Variants in MEF2C observed in about 807,000 individuals in gnomAD.
MEF2C encodes myocyte enhancer factor 2C.
In MEF2C, 6 loss-of-function variants were observed where a neutral mutation model predicts 50.5. The observed-to-expected ratio is 0.12, with a 90% confidence interval of 0.07 to 0.23. The LOEUF (loss-of-function observed/expected upper bound fraction) is 0.23, where lower values mean the gene tolerates loss of function less well. Among genes scored for constraint, MEF2C ranks in the 10% least tolerant of loss-of-function variants. The pLI, the probability that MEF2C is intolerant of heterozygous loss-of-function variation, is 1.00. For synonymous variants in MEF2C, 183 were observed against 228.0 expected (o/e 0.80, Z 1.78); for missense variants, 276 against 605.0 (o/e 0.46, Z 5.70).
intron 6 of MEF2C, among the ~76,000 whole-genome samples, chr5:88,745,083 C>G (rs774593432): frequency 3.3e-5 from 5 of 152,032 alleles, no homozygotes; most frequent in Non-Finnish European, 7.4e-5. Flanking sequence ...TGAAATGTTC[C>G]TTCTGGTTTA....
At chr5:88,725,105 T>C (rs942756496) in intron 10 of MEF2C, among the ~76,000 whole-genome samples, 2 of 152,258 alleles carry the variant, frequency 1.3e-5, no homozygotes, top group East Asian at 3.9e-4. Context: ...AATACAGTTT[T>C]TGGAAGCTGC....
chr5:88,823,110 A>T (rs1260041318), intron 2 of MEF2C, among the ~76,000 whole-genome samples: 1 of 151,986 alleles, frequency 6.6e-6, no homozygotes, highest in Non-Finnish European at 1.5e-5. Flanking sequence ...TATCATTGGC[A>T]TTCTAGAAAA....
intron 1 of MEF2C, among the ~76,000 whole-genome samples, chr5:88,899,728 T>C (rs1835454614): frequency 6.6e-6 from 1 of 152,150 alleles, no homozygotes; most frequent in Admixed American, 6.6e-5. Context: ...TAGAAATGGA[T>C]GCTATTTACT....
chr5:88,823,449 T>C (rs564913030), intron 2 of MEF2C, among the ~76,000 whole-genome samples: 4 of 152,000 alleles, frequency 2.6e-5, no homozygotes, highest in Non-Finnish European at 5.9e-5. Context: ...TGATTAACTC[T>C]TAATTATCAA....
chr5:88,756,320 C>T (rs376307978), intron 4 of MEF2C, among the ~76,000 whole-genome samples: 1 of 152,160 alleles, frequency 6.6e-6, no homozygotes, highest in Non-Finnish European at 1.5e-5. Flanking sequence ...ACCTTCCCCC[C>T]TTTTGGAGTC....
At chr5:88,884,799 CA>C (rs34331976), upstream of MEF2C, among the ~76,000 whole-genome samples, 44,958 of 109,194 alleles carry the variant, frequency 0.41, 6,274 homozygotes, top group Middle Eastern at 0.52. Context: ...CTTTTCCTTA[CA>C]AAAAAAAAAA....
chr5:88,758,126 TCTC>T (rs979739928), intron 4 of MEF2C, among the ~76,000 whole-genome samples: 9 of 151,986 alleles, frequency 5.9e-5, no homozygotes, highest in Non-Finnish European at 1.0e-4. Context: ...TCCAAGCACT[TCTC>T]CTCTGCATGT....
intron 1 of MEF2C, among the ~76,000 whole-genome samples, chr5:88,863,729 G>A (rs900788226): frequency 6.6e-6 from 1 of 151,978 alleles, no homozygotes; most frequent in Non-Finnish European, 1.5e-5. Flanking sequence ...GTACAAATGA[G>A]ATCACACAGT....
In MEF2C at chr5:88,749,127, A is replaced by C. The variant is rs1389115088; in HGVS notation, c.590-10T>G. 6.4e-7 allele frequency: 1 copy of C among 1,560,602 alleles called. No individual in the cohort carries two copies. On this transcript the variant is annotated splice_polypyrimidine_tract_variant and intron_variant, in intron 5 of 10. Coordinates refer to ENST00000504921, the MANE Select transcript of MEF2C (RefSeq NM_002397.5). ...CCACCCATCAGACCACCTATGGATT[A>C]AAGAGGAAGATCAAAACGAGAAAGG...
intron 4 of MEF2C, among the ~76,000 whole-genome samples, chr5:88,759,715 C>G (rs1026198900): frequency 2.0e-5 from 3 of 152,154 alleles, no homozygotes; most frequent in Non-Finnish European, 4.4e-5. Context: ...CTTAGCTTTC[C>G]TTCATGATAC....
intron 4 of MEF2C, among the ~76,000 whole-genome samples, 164 bp from the exon 5 acceptor site, chr5:88,752,207 G>T (rs1773146581): frequency 6.6e-6 from 1 of 152,194 alleles, no homozygotes; most frequent in Admixed American, 6.5e-5. Context: ...ATCATAAATT[G>T]ATTTCTTAAA....
chr5:88,767,872 T>C (rs1234932247), intron 3 of MEF2C, among the ~76,000 whole-genome samples: 5 of 152,120 alleles, frequency 3.3e-5, no homozygotes, highest in Non-Finnish European at 5.9e-5. Context: ...ATTCAAATGG[T>C]GCTAATTATT....
At chr5:88,738,115 T>C in intron 6 of MEF2C, 1 of 985,278 alleles carries the variant, frequency 1.0e-6, no homozygotes, top group Admixed American at 6.1e-5. Flanking sequence ...GTAATCTAGG[T>C]TCTACTCAAA....
Position 88,836,145 on chromosome 5 carries a change from C to A in MEF2C, c.-142-12215G>T, listed in dbSNP as rs967441635. ...CCATGAAGCCTAAATGAACACTTAT[C>A]GATTTTCATTTACAATCAATCAAAT... On this transcript the variant is annotated intron_variant, in intron 1 of 10. Coordinates refer to ENST00000504921, the MANE Select transcript of MEF2C (RefSeq NM_002397.5). Among the ~76,000 whole-genome samples the A allele has an allele frequency of 2.0e-5, 3 of 151,994 alleles. No individual in the cohort carries two copies. In the East Asian group the frequency reaches 5.8e-4, roughly 29 times the overall value.
intron 1 of MEF2C, among the ~76,000 whole-genome samples, chr5:88,859,249 G>T (rs1196676310): frequency 6.6e-6 from 1 of 152,086 alleles, no homozygotes; most frequent in East Asian, 1.9e-4. Context: ...CAGAATTTTG[G>T]GATGCAAATT....
rs911373808 is a variant in MEF2C, at chr5:88,779,581, A to G, written c.259-18253T>C. Reference sequence around the variant, plus strand: ...ACATTAACTGCATGTATATGTGAATATATGTAGGTTTGTGTAGGTTTGTGT... The same window carrying G: ...ACATTAACTGCATGTATATGTGAATGTATGTAGGTTTGTGTAGGTTTGTGT... On this transcript the variant is annotated intron_variant, in intron 3 of 10. Coordinates refer to ENST00000504921, the MANE Select transcript of MEF2C (RefSeq NM_002397.5). Among the ~76,000 whole-genome samples the G allele has an allele frequency of 2.0e-5, 3 of 147,290 alleles. No homozygotes were observed. The Admixed American group carries it at 2.1e-4, about 10-fold the overall frequency.
chr5:88,773,538 G>A (rs922697095), intron 3 of MEF2C, among the ~76,000 whole-genome samples: 1 of 152,144 alleles, frequency 6.6e-6, no homozygotes, highest in Non-Finnish European at 1.5e-5. Context: ...TCATTTTCTA[G>A]ATTATAAGAT....
intron 6 of MEF2C, chr5:88,738,305 G>A (rs935998277): frequency 1.0e-6 from 1 of 985,260 alleles, no homozygotes; most frequent in African/African-American, 1.7e-5. Context: ...ACAGTGTATA[G>A]TATTATTTAC....
At position 88,722,772 on chromosome 5, in the gene MEF2C, T is replaced by G; in HGVS notation, c.1254A>C (p.Arg418Ser). Reference sequence around the variant, plus strand: ...AGCTGCTCAAGCTGTCAACAGGAGATCTCCCCGCCTCGTGGCGCGTGTGTT... The same window carrying G: ...AGCTGCTCAAGCTGTCAACAGGAGAGCTCCCCGCCTCGTGGCGCGTGTGTT... ...YPQHTRHEAGRSPVDSLSSCS... is the reference protein window; with the variant it reads ...YPQHTRHEAGSSPVDSLSSCS... The change falls in exon 11 of 11, where the codon AGA (arginine) becomes AGC (serine). Residue 418 changes from arginine (R) to serine (S), a missense_variant. This residue lies in a region of MEF2C where 256 missense variants were observed against 468.1 expected (regional missense o/e 0.55). Coordinates refer to ENST00000504921, the MANE Select transcript of MEF2C (RefSeq NM_002397.5). 6.2e-7 allele frequency: 1 copy of G among 1,613,858 alleles called. No homozygotes were observed. Among genetic ancestry groups the G allele is most frequent in the Non-Finnish European group, 8.5e-7 (1 of 1,179,872 alleles).
Sources: gnomAD v4.1 joint callset for allele counts (sites outside exome capture counted in the v4.1 genomes callset) on GRCh38, gnomAD v4.1.1 for gene constraint, gnomAD v4.1.1 regional missense constraint, MANE v1.5 for transcripts, NCBI Gene and HGNC (gene_info 2026-07-23, HGNC 2026-07-21) for gene names.